Variants in HEG1 observed in about 807,000 individuals in gnomAD.
HEG1 encodes protein HEG homolog 1.
In HEG1, 56 loss-of-function variants were observed where a neutral mutation model predicts 125.6. The ratio of observed to expected loss-of-function variants is 0.45; its 90% CI spans 0.36 to 0.56. HEG1 has a LOEUF of 0.56. Among genes scored for constraint, HEG1 ranks in the 20% least tolerant of loss-of-function variants. The probability of loss-of-function intolerance (pLI) is 0.00; values close to 1 mark genes in which losing one functional copy is unlikely to be tolerated. For synonymous variants in HEG1, 644 were observed against 668.5 expected (o/e 0.96, Z 0.57); for missense variants, 1,523 against 1,670.0 (o/e 0.91, Z 1.53).
chr3:124,993,914 C>T (rs1001826295), intron 12 of HEG1, among the ~76,000 whole-genome samples: 4 of 152,138 alleles, frequency 2.6e-5, no homozygotes, highest in Non-Finnish European at 4.4e-5. Flanking sequence ...CATTCCGTTA[C>T]GCATCAGTGG....
chr3:125,000,188 T>C (rs895880806), intron 11 of HEG1, among the ~76,000 whole-genome samples: 1 of 151,972 alleles, frequency 6.6e-6, no homozygotes, highest in South Asian at 2.1e-4. Flanking sequence ...GAGAAGTAAA[T>C]AGGAACTTCA....
chr3:125,014,972 G>C, intron 5 of HEG1: 11 of 1,275,016 alleles, frequency 8.6e-6, no homozygotes, highest in Non-Finnish European at 1.1e-5. Context: ...TGGCGGAACT[G>C]TCACCTAGTG....
intron 12 of HEG1, among the ~76,000 whole-genome samples, chr3:124,994,890 TATC>T (rs1936893202): frequency 6.6e-6 from 1 of 152,234 alleles, no homozygotes; most frequent in Admixed American, 6.5e-5. Flanking sequence ...TTTGCTGCCT[TATC>T]ATCCACTCGT....
intron 1 of HEG1, among the ~76,000 whole-genome samples, chr3:125,051,653 T>C (rs1290259236): frequency 6.6e-6 from 1 of 152,232 alleles, no homozygotes; most frequent in East Asian, 1.9e-4. Context: ...CCAAAACTAG[T>C]TTCCTTCCTT....
chr3:125,010,470 C>T lies in HEG1; in HGVS notation c.3042G>A (p.Pro1014=), dbSNP rs375684576. 298 of 1,557,302 alleles carry T rather than the reference C, an allele frequency of 1.9e-4. No homozygotes were observed. The highest frequency in any genetic ancestry group is 2.4e-4 in the Non-Finnish European group (278 of 1,149,734). ...TGCAATCATCCCCTTGCCAGGAAGG[C>T]GGGCACCTGCAGTGGTAGCCACGGC... is the stretch of plus-strand genomic sequence containing the variant. The part of the protein sequence containing the change: ...NTSRGYHCRC[P]PSWQGDDCSV... Residue 1014 remains proline, a synonymous_variant, in exon 7 of 17, where the codon CCG becomes CCA. Coordinates refer to ENST00000311127, the MANE Select transcript of HEG1 (RefSeq NM_020733.2).
chr3:124,973,861 T>C lies in HEG1; in HGVS notation c.3866A>G (p.Asp1289Gly), dbSNP rs1450178676. The part of the protein sequence containing the change: ...DISKLIFKSG[D>G]FQMSPYAEYP... ...TTCAGCATACGGGGACATTTGGAAA[T>C]CTCCACTTTTGAAGATGAGTTTGCT... Residue 1289 changes from aspartate to glycine, a missense_variant, in exon 16 of 17, where the codon GAT becomes GGT. By Grantham distance (94) the Asp-to-Gly change is moderately conservative. Transcript: ENST00000311127. The C allele has an allele frequency of 6.2e-7, 1 of 1,613,066 alleles. No homozygotes were observed. The highest frequency in any genetic ancestry group is 2.2e-5 in the East Asian group (1 of 44,896).
intron 15 of HEG1, among the ~76,000 whole-genome samples, chr3:124,976,910 G>T (rs1292363222): frequency 6.6e-6 from 1 of 152,150 alleles, no homozygotes; most frequent in Admixed American, 6.6e-5. Context: ...GCAGCCATCA[G>T]AATTGTGAGC....
At chr3:125,022,553 T>C (rs957425076) in intron 3 of HEG1, among the ~76,000 whole-genome samples, 2 of 151,710 alleles carry the variant, frequency 1.3e-5, no homozygotes, top group African/African-American at 4.8e-5. Flanking sequence ...GCAGGCAATC[T>C]ATAAAACTAG....
intron 8 of HEG1, among the ~76,000 whole-genome samples, chr3:125,007,156 G>T (rs958739742): frequency 7.5e-6 from 1 of 132,542 alleles, no homozygotes; most frequent in Non-Finnish European, 1.5e-5. Flanking sequence ...CCGAGATCCC[G>T]CCACTGCACT....
Position 125,013,780 on chromosome 3 carries a change from G to A in HEG1, c.1799C>T (p.Ser600Phe). 3 of 1,613,886 alleles carry A rather than the reference G, an allele frequency of 1.9e-6. No individual in the cohort carries two copies. The East Asian group carries it at 6.7e-5, about 36-fold the overall frequency. ...ISNSSHSEYS[S>F]FFHAQTERSN... ...TCTCTCAGTCTGAGCATGAAAAAAG[G>A]AGGAATACTCTGAATGTGAAGAGTT... Residue 600 changes from serine (S) to phenylalanine (F), a missense_variant, in exon 6 of 17, where the codon TCC becomes TTC. Physicochemically the swap from Ser to Phe is radical, Grantham distance 155. Transcript: ENST00000311127.
chr3:125,044,263 C>A (rs952060659), intron 1 of HEG1, among the ~76,000 whole-genome samples: 65 of 152,226 alleles, frequency 4.3e-4, no homozygotes, highest in African/African-American at 1.5e-3. Context: ...ACCTGACATT[C>A]TATTCAAATA....
At position 124,968,397 on chromosome 3, in the gene HEG1, G is replaced by A. The variant is rs1306288297; in HGVS notation, c.*2255C>T. The A allele has an allele frequency of 1.3e-5, 2 of 152,218 alleles. No individual in the cohort carries two copies. The highest frequency in any genetic ancestry group is 4.1e-4 in the South Asian group (2 of 4,826). 9.4% of individuals were successfully genotyped at this position (152,218 alleles called of 1,614,324 possible). On this transcript the variant is annotated 3_prime_UTR_variant, in exon 17 of 17. Coordinates refer to ENST00000311127, the MANE Select transcript of HEG1 (RefSeq NM_020733.2). ...GGAGACTGTGTGACCTCAACCTTGT[G>A]GGTGCCTCCTTTTTTTCTCAGTTAG...
At chr3:125,002,062 T>A (rs1937009280) in intron 10 of HEG1, 50 bp from the exon 11 acceptor site, 1 of 1,603,458 alleles carries the variant, frequency 6.2e-7, no homozygotes, top group South Asian at 1.1e-5. Flanking sequence ...GACACGTGGG[T>A]CCCAAGGCTT....
intron 3 of HEG1, among the ~76,000 whole-genome samples, chr3:125,026,248 C>T (rs190803304): frequency 3.8e-4 from 58 of 152,310 alleles, no homozygotes; most frequent in African/African-American, 1.4e-3. Context: ...TGGGCACATG[C>T]TAATCCCTAT....
At chr3:125,034,558 G>A (rs887185765) in intron 1 of HEG1, among the ~76,000 whole-genome samples, 9 of 152,194 alleles carry the variant, frequency 5.9e-5, no homozygotes, top group African/African-American at 2.2e-4. Flanking sequence ...AGCACTTTGG[G>A]AGACCAAGGC....
chr3:125,016,281 G>A (rs1038319294), intron 5 of HEG1, among the ~76,000 whole-genome samples: 4 of 152,182 alleles, frequency 2.6e-5, no homozygotes, highest in Admixed American at 1.3e-4. Flanking sequence ...GCAGAACCCC[G>A]CCAGCTTTGG....
Position 125,021,077 on chromosome 3 carries a change from C to G in HEG1, c.967G>C (p.Val323Leu). 3 of 1,600,648 alleles carry G rather than the reference C, an allele frequency of 1.9e-6. No individual in the cohort carries two copies. The highest frequency in any genetic ancestry group is 2.6e-6 in the Non-Finnish European group (3 of 1,173,304). Residue 323 changes from valine (V) to leucine (L), a missense_variant, in exon 4 of 17, where the codon GTC becomes CTC. Coordinates refer to ENST00000311127, the MANE Select transcript of HEG1 (RefSeq NM_020733.2). ...NNSTGLQSSSVSQTKTMHVAT... is the reference protein window; with the variant it reads ...NNSTGLQSSSLSQTKTMHVAT... ...ACATGCATTGTCTTTGTTTGACTGA[C>G]TGAGGAGCTCTGGAGGCCAGTGGAG...
chr3:125,001,089 A>G (rs186370783), intron 11 of HEG1, among the ~76,000 whole-genome samples: 1 of 152,340 alleles, frequency 6.6e-6, no homozygotes, highest in East Asian at 1.9e-4. Context: ...GCTTTTGACA[A>G]AACAGACAAA....
chr3:125,006,186 T>C (rs1404681220), intron 8 of HEG1, among the ~76,000 whole-genome samples: 1 of 152,192 alleles, frequency 6.6e-6, no homozygotes, highest in Middle Eastern at 3.2e-3. Context: ...GCCGACTCCA[T>C]GATTATAAGC....
Sources: allele counts gnomAD v4.1 joint callset (sites outside exome capture counted in the v4.1 genomes callset), GRCh38; gene constraint gnomAD v4.1.1; transcripts MANE v1.5; gene names NCBI Gene and HGNC (gene_info 2026-07-23, HGNC 2026-07-21).